Variants in TMEM223 observed in about 807,000 individuals in gnomAD.
The protein encoded by TMEM223 is transmembrane protein 223.
In TMEM223, 14 loss-of-function variants were observed where a neutral mutation model predicts 14.1. The observed-to-expected ratio is 0.99, with a 90% confidence interval of 0.66 to 1.55. The LOEUF is 1.55. Ranked by LOEUF, TMEM223 falls within the 40% of genes most tolerant of loss-of-function variation. The pLI is 0.00. For synonymous variants in TMEM223, 145 were observed against 120.5 expected, an observed-to-expected ratio of 1.20 and a Z score of -1.33; for missense variants, 346 against 269.9, an observed-to-expected ratio of 1.28 and a Z score of -1.97.
chr11:62,774,137 C>T (rs541515466), intron 2 of TMEM223, among the ~76,000 whole-genome samples: 394 of 151,766 alleles, frequency 2.6e-3, no homozygotes, highest in African/African-American at 3.1e-3. Flanking sequence ...AGTGCAGTGG[C>T]GTGATCTCGG....
At chr11:62,771,274 C>G (rs1176297486), downstream of TMEM223, 1 of 152,286 alleles carries the variant, frequency 6.6e-6, no homozygotes, top group African/African-American at 2.4e-5. Flanking sequence ...CACGTGACCG[C>G]CGGTCTCTAC....
Position 62,790,005 on chromosome 11 carries a change from T to A in TMEM223, c.*618A>T, listed in dbSNP as rs757926275. ...AGAGGGGTGACCCTGAGTGGAGCTC[T>A]GAGACAGATGCTCTCGTTGGGTCAC... On this transcript the variant is annotated 3_prime_UTR_variant, in exon 2 of 2. Transcript: ENST00000307366. 6.2e-7 allele frequency: 1 copy of A among 1,613,998 alleles called. No homozygotes were observed. The highest frequency in any genetic ancestry group is 8.5e-7 in the Non-Finnish European group (1 of 1,179,940).
rs554979398 is a variant in TMEM223, at chr11:62,790,731, T to C, written c.501A>G (p.Leu167=). Residue 167 remains leucine, a synonymous_variant, in exon 2 of 2, where the codon CTA becomes CTG. Coordinates refer to ENST00000307366, the MANE Select transcript of TMEM223 (RefSeq NM_001080501.3). ...AGCGTCGGCCTTTGACTTTCAGAGG[T>C]AGCATGGCAGGGACTTCACCCCGGT... The part of the protein sequence containing the change: ...MAHRGEVPAM[L]PLKVKGRRFY... The C allele has an allele frequency of 5.6e-6, 9 of 1,611,270 alleles. No homozygotes were observed. In the Admixed American group the frequency reaches 1.3e-4, roughly 24 times the overall value.
At chr11:62,780,943 A>T (rs2084224749) in intron 1 of TMEM223, among the ~76,000 whole-genome samples, 1 of 148,402 alleles carries the variant, frequency 6.7e-6, no homozygotes, top group African/African-American at 2.5e-5. Context: ...TCTCAAAAAA[A>T]AAAAAAAAAG....
chr11:62,790,860 C>T lies in TMEM223; in HGVS notation c.372G>A (p.Val124=), dbSNP rs1304271337. The change falls in exon 2 of 2, where the codon GTG becomes GTA. Residue 124 remains valine (V), a synonymous_variant. Coordinates refer to ENST00000307366, the MANE Select transcript of TMEM223 (RefSeq NM_001080501.3). ...LLFSLRSVRS[V]VLRAGGQQVT... ...CCTGCTGCCCTCCAGCTCGAAGCAC[C>T]ACTGAGCGCACAGACCGGAGAGAGA... The T allele has an allele frequency of 1.2e-6, 2 of 1,604,846 alleles. No homozygotes were observed. Among genetic ancestry groups the T allele is most frequent in the Non-Finnish European group, 8.5e-7 (1 of 1,175,502 alleles).
chr11:62,790,439 T>TG lies in TMEM223; in HGVS notation c.*183_*184insC. 3 of 613,850 alleles carry TG rather than the reference T, an allele frequency of 4.9e-6. No homozygotes were observed. Among genetic ancestry groups the TG allele is most frequent in the Non-Finnish European group, 8.2e-6 (3 of 365,474 alleles). 38.0% of individuals were successfully genotyped at this position (613,850 alleles called of 1,614,324 possible). ...TCCATTCTAAGATTGGCGTTTTTTT[T>TG]TGTTTTTTTTTTTGTAAATAGAGAC... On this transcript the variant is annotated 3_prime_UTR_variant, in exon 2 of 2. Coordinates refer to ENST00000307366, the MANE Select transcript of TMEM223 (RefSeq NM_001080501.3).
intron 2 of TMEM223, chr11:62,774,470 C>T (rs781618211): frequency 1.4e-4 from 59 of 418,098 alleles, no homozygotes; most frequent in Non-Finnish European, 2.3e-4. Context: ...GGGACCTGGA[C>T]GTCACTGGTG....
Position 62,791,727 on chromosome 11 carries a change from G to A in TMEM223, c.268C>T (p.Arg90Cys), listed in dbSNP as rs1249411240. 1.3e-6 allele frequency: 2 copies of A among 1,555,718 alleles called. No homozygotes were observed. Among genetic ancestry groups the A allele is most frequent in the Non-Finnish European group, 1.7e-6 (2 of 1,149,832 alleles). The change falls in exon 1 of 2, where the codon CGC becomes TGC. Residue 90 changes from arginine to cysteine, a missense_variant. Transcript: ENST00000307366. The stretch of plus-strand genomic sequence containing the variant: ...AGACCGTAGCGCCAGAGCGCGGAGC[G>A]CAGGTCGAAGGGGCCACGATTTGGG... ...EVPNRGPFDL[R>C]SALWRYGLAV...
At position 62,790,285 on chromosome 11, in the gene TMEM223, GGAA is replaced by G; in HGVS notation, c.*335_*337del. The G allele has an allele frequency of 1.8e-6, 1 of 560,650 alleles. No homozygotes were observed. Among genetic ancestry groups the G allele is most frequent in the Non-Finnish European group, 3.1e-6 (1 of 327,264 alleles). The allele number at this position is 560,650 out of a possible 1,614,324, so 34.7% of individuals were successfully genotyped here. On this transcript the variant is annotated 3_prime_UTR_variant, in exon 2 of 2. Coordinates refer to ENST00000307366, the MANE Select transcript of TMEM223 (RefSeq NM_001080501.3). ...GATGTTAAAGTACAACTAGATAGGA[GGAA>G]GGAGTGAAGGCTAAGCAGACATGGA...
At position 62,782,096 on chromosome 11, in the gene TMEM223, C is replaced by G. The variant is rs771675553; in HGVS notation, c.315-7431G>C. 6 of 1,595,378 alleles carry G rather than the reference C, an allele frequency of 3.8e-6. No individual in the cohort carries two copies. The East Asian group carries it at 1.3e-4, about 36-fold the overall frequency. On this transcript the variant is annotated intron_variant, in intron 1 of 2. Transcript: ENST00000528367. ...TGTCCCCTCATGTCCCTGTAAGCTA[C>G]CCTCTTCTCCCAACAGGTGAAATCT...
chr11:62,791,605 CT>C (rs1387130548), intron 1 of TMEM223, 73 bp downstream of exon 1: 1 of 1,429,974 alleles, frequency 7.0e-7, no homozygotes, highest in Non-Finnish European at 9.2e-7. Context: ...GTCCCTGACT[CT>C]CCCTGCCTGT....
chr11:62,791,294 G>A (rs1241489678), intron 1 of TMEM223, among the ~76,000 whole-genome samples: 2 of 152,074 alleles, frequency 1.3e-5, no homozygotes, highest in Non-Finnish European at 2.9e-5. Flanking sequence ...GTCTCGCTCG[G>A]TCGCTTAGGC....
downstream of TMEM223, chr11:62,789,041 T>C (rs1281236333): frequency 6.2e-7 from 1 of 1,613,118 alleles, no homozygotes; most frequent in Non-Finnish European, 8.5e-7. Context: ...CAGTGGTAGA[T>C]GTCCCCTGTA....
At chr11:62,780,304 A>G (rs2084219243) in intron 1 of TMEM223, among the ~76,000 whole-genome samples, 1 of 151,740 alleles carries the variant, frequency 6.6e-6, no homozygotes, top group Admixed American at 6.6e-5. Flanking sequence ...TGAGGTCAGG[A>G]GTTCAAGACC....
At chr11:62,788,918 TC>T, downstream of TMEM223, 1 of 1,268,370 alleles carries the variant, frequency 7.9e-7, no homozygotes, top group Non-Finnish European at 1.1e-6. Context: ...ACAAATAACT[TC>T]CTGGAATGCA....
intron 1 of TMEM223, chr11:62,775,670 C>G: frequency 1.5e-6 from 2 of 1,359,402 alleles, no homozygotes; most frequent in Non-Finnish European, 2.0e-6. Context: ...TTAGAAACTC[C>G]AGAGCACGAG....
chr11:62,775,018 C>G (rs997600158), intron 1 of TMEM223, among the ~76,000 whole-genome samples: 1 of 148,892 alleles, frequency 6.7e-6, no homozygotes, highest in Non-Finnish European at 1.5e-5. Flanking sequence ...GAGCTGAGAT[C>G]GCGCTGCTAC....
At chr11:62,771,951 T>C in exon 3 of TMEM223, 2 of 363,350 alleles carry the variant, frequency 5.5e-6, no homozygotes, top group South Asian at 4.1e-5. Flanking sequence ...CTCCAATCCA[T>C]GTCTTTGGGG....
At chr11:62,788,452 C>T (rs1018967410), downstream of TMEM223, among the ~76,000 whole-genome samples, 1 of 152,088 alleles carries the variant, frequency 6.6e-6, no homozygotes, top group Non-Finnish European at 1.5e-5. Flanking sequence ...CGCCTGTAAT[C>T]CCAGCACTTT....
Sources: allele counts gnomAD v4.1 joint callset (sites outside exome capture counted in the v4.1 genomes callset), GRCh38; gene constraint gnomAD v4.1.1; transcripts MANE v1.5; gene names NCBI Gene and HGNC (gene_info 2026-07-23, HGNC 2026-07-21).